The following DAB1 variants were observed in gnomAD, a reference collection of about 807,000 sequenced individuals.
DAB1 encodes the protein disabled homolog 1.
DAB1 carries 15 observed loss-of-function variants against 64.6 expected under a neutral mutation model. That is an observed-to-expected ratio of 0.23 (90% CI 0.16 to 0.36). The LOEUF (loss-of-function observed/expected upper bound fraction) is 0.36. Ranked by LOEUF, DAB1 falls within the 10% of genes least tolerant of loss-of-function variation. DAB1 has a pLI of 1.00. For synonymous variants in DAB1, 235 were observed against 251.9 expected, an observed-to-expected ratio of 0.93 and a Z score of 0.64; for missense variants, 596 against 706.7, an observed-to-expected ratio of 0.84 and a Z score of 1.78.
chr1:57,356,760 C>T (rs1679141102), intron 1 of DAB1, among the ~76,000 whole-genome samples: 1 of 152,040 alleles, frequency 6.6e-6, no homozygotes, highest in Non-Finnish European at 1.5e-5. Context: ...GTCCTTACTT[C>T]TTTGGGGGAC....
chr1:57,751,834 T>TAATAAATAAATA (rs58928224), intron 6 of DAB1, among the ~76,000 whole-genome samples: 17,373 of 150,706 alleles, frequency 0.12, 1,112 homozygotes, highest in East Asian at 0.18. Context: ...ATTCTTTACT[T>TAATAAATAAATA]AATAAATAAA....
chr1:57,894,163 T>G (rs1237089976), intron 5 of DAB1, among the ~76,000 whole-genome samples: 2 of 152,174 alleles, frequency 1.3e-5, no homozygotes, highest in African/African-American at 4.8e-5. Flanking sequence ...CATATCTCCT[T>G]CAAGTTGCCC....
chr1:57,461,750 T>A (rs17426688), intron 7 of DAB1, among the ~76,000 whole-genome samples: 20,086 of 151,974 alleles, frequency 0.13, 1,467 homozygotes, highest in East Asian at 0.21. Context: ...CTATCATTGC[T>A]CCAGTTCTCT....
At chr1:58,233,979 C>A (rs1327896472) in intron 4 of DAB1, among the ~76,000 whole-genome samples, 1 of 152,210 alleles carries the variant, frequency 6.6e-6, no homozygotes, top group Non-Finnish European at 1.5e-5. Context: ...GACAGCCACA[C>A]ACAAAGTCAG....
chr1:57,796,242 T>C (rs1166838619), intron 6 of DAB1, among the ~76,000 whole-genome samples: 1 of 152,120 alleles, frequency 6.6e-6, no homozygotes, highest in East Asian at 1.9e-4. Context: ...AAAATAATAA[T>C]CCTGGCTGGG....
At chr1:57,663,590 C>T (rs932119144) in intron 6 of DAB1, among the ~76,000 whole-genome samples, 6 of 151,694 alleles carry the variant, frequency 4.0e-5, no homozygotes, top group South Asian at 2.1e-4. Flanking sequence ...AAATTGTCTG[C>T]GGTAATGAGA....
intron 3 of DAB1, among the ~76,000 whole-genome samples, chr1:58,449,935 C>A (rs1645114168): frequency 6.6e-6 from 1 of 152,008 alleles, no homozygotes; most frequent in Admixed American, 6.5e-5. Context: ...ATTATGTGGT[C>A]AAATCAGGGG....
intron 1 of DAB1, among the ~76,000 whole-genome samples, chr1:58,532,503 ATTTG>A (rs1323244407): frequency 3.3e-5 from 5 of 152,256 alleles, no homozygotes; most frequent in South Asian, 4.1e-4. Context: ...TCTTGTGTAT[ATTTG>A]TTTAAGAAAA....
chr1:58,486,164 T>C (rs764430877), intron 3 of DAB1, among the ~76,000 whole-genome samples: 5 of 152,168 alleles, frequency 3.3e-5, no homozygotes, highest in Admixed American at 6.6e-5. Flanking sequence ...ATCATTAAAA[T>C]GTCTATGCCA....
chr1:58,035,963 T>A (rs1171436670), intron 5 of DAB1, among the ~76,000 whole-genome samples: 2 of 152,200 alleles, frequency 1.3e-5, no homozygotes, highest in Non-Finnish European at 2.9e-5. Context: ...AAGATGCACA[T>A]CCGTGTACGG....
chr1:57,990,662 G>C (rs1322875039), intron 5 of DAB1, among the ~76,000 whole-genome samples: 4 of 152,208 alleles, frequency 2.6e-5, no homozygotes, highest in East Asian at 3.9e-4. Context: ...GGACGGGACA[G>C]AGTAGATAAA....
At chr1:57,366,976 G>T (rs1680051740) in intron 1 of DAB1, among the ~76,000 whole-genome samples, 2 of 151,546 alleles carry the variant, frequency 1.3e-5, no homozygotes, top group South Asian at 4.1e-4. Context: ...GGAGGCAGAG[G>T]CAGGTGGACC....
intron 5 of DAB1, among the ~76,000 whole-genome samples, chr1:58,051,784 TTC>T (rs1432652574): frequency 4.6e-5 from 7 of 152,244 alleles, no homozygotes; most frequent in Non-Finnish European, 8.8e-5. Context: ...TGATTTGCAT[TTC>T]TCTGATGACC....
intron 3 of DAB1, among the ~76,000 whole-genome samples, chr1:58,422,456 T>C (rs1431213624): frequency 6.6e-6 from 1 of 151,966 alleles, no homozygotes; most frequent in African/African-American, 2.4e-5. Flanking sequence ...GGTTTGGTTG[T>C]TCAGGAATAA....
chr1:57,530,752 G>A (rs1644653418), intron 7 of DAB1, among the ~76,000 whole-genome samples: 1 of 152,168 alleles, frequency 6.6e-6, no homozygotes, highest in Non-Finnish European at 1.5e-5. Flanking sequence ...TTCATTAAGA[G>A]AGCCTGGCAG....
chr1:57,055,847 C>A (rs190412196), intron 9 of DAB1, among the ~76,000 whole-genome samples: 111 of 152,142 alleles, frequency 7.3e-4, no homozygotes, highest in African/African-American at 2.6e-3. Context: ...CTCAAGAAGG[C>A]CTACCTTAGA....
chr1:57,804,740 A>G (rs1651283876), intron 6 of DAB1, among the ~76,000 whole-genome samples: 1 of 152,212 alleles, frequency 6.6e-6, no homozygotes, highest in Non-Finnish European at 1.5e-5. Flanking sequence ...GGAATATCCA[A>G]TTAGAGGCAA....
intron 5 of DAB1, among the ~76,000 whole-genome samples, chr1:57,945,536 T>C (rs1645172963): frequency 6.6e-6 from 1 of 152,026 alleles, no homozygotes; most frequent in African/African-American, 2.4e-5. Context: ...CATCTTGGCT[T>C]CCCAAAGTGC....
At chr1:57,535,537 T>G (rs911847855) in intron 7 of DAB1, among the ~76,000 whole-genome samples, 32 of 151,342 alleles carry the variant, frequency 2.1e-4, no homozygotes, top group African/African-American at 7.5e-4. Context: ...TGGCGTGATC[T>G]TAGTTCACTG....
Sources: gnomAD v4.1 joint callset for allele counts (sites outside exome capture counted in the v4.1 genomes callset) on GRCh38, gnomAD v4.1.1 for gene constraint, MANE v1.5 for transcripts, NCBI Gene and HGNC (gene_info 2026-07-23, HGNC 2026-07-21) for gene names.